EPHA4: variants seen among roughly 807,000 people sequenced by gnomAD.
EPHA4 encodes the protein EPH receptor A4.
A neutral mutation model predicts 108.3 loss-of-function variants in EPHA4; 19 were observed. That is an observed-to-expected ratio of 0.18 (90% CI 0.12 to 0.26). The LOEUF is 0.26. Among genes scored for constraint, EPHA4 ranks in the 10% least tolerant of loss-of-function variants. The pLI, the probability that EPHA4 is intolerant of heterozygous loss-of-function variation, is 1.00. For synonymous variants in EPHA4, 449 were observed against 455.5 expected, an observed-to-expected ratio of 0.99 and a Z score of 0.18; for missense variants, 917 against 1,254.0, an observed-to-expected ratio of 0.73 and a Z score of 4.06.
intron 3 of EPHA4, among the ~76,000 whole-genome samples, chr2:221,546,166 A>G (rs1693992301): frequency 6.6e-6 from 1 of 152,192 alleles, no homozygotes; most frequent in Admixed American, 6.5e-5. Flanking sequence ...CCAGGCATTC[A>G]AGCCTATATG....
chr2:221,442,609 T>G (rs1316428475), intron 11 of EPHA4, among the ~76,000 whole-genome samples: 1 of 152,166 alleles, frequency 6.6e-6, no homozygotes, highest in Non-Finnish European at 1.5e-5. Flanking sequence ...AATATTAATT[T>G]CTCTAAAATC....
chr2:221,431,213 A>G (rs1158194429), intron 14 of EPHA4, among the ~76,000 whole-genome samples: 1 of 152,190 alleles, frequency 6.6e-6, no homozygotes, highest in Admixed American at 6.5e-5. Context: ...TTGGGAGTCT[A>G]AAAGTTTTAT....
chr2:221,546,526 A>G (rs1231742089), intron 3 of EPHA4, among the ~76,000 whole-genome samples: 2 of 151,196 alleles, frequency 1.3e-5, no homozygotes, highest in African/African-American at 4.9e-5. Context: ...TATTTTATTA[A>G]TTTAAGCCTC....
chr2:221,420,977 A>C (rs765257464), intron 17 of EPHA4, among the ~76,000 whole-genome samples: 8 of 152,112 alleles, frequency 5.3e-5, no homozygotes, highest in Non-Finnish European at 1.2e-4. Context: ...TTCACAATCC[A>C]CCCATAGTCA....
Position 221,477,626 on chromosome 2 carries a change from C to A in EPHA4, c.1318+4726G>T, listed in dbSNP as rs181651596. 5.3e-5 allele frequency among the ~76,000 whole-genome samples: 8 copies of A among 152,260 alleles called. No individual in the cohort carries two copies. In the East Asian group the frequency reaches 1.5e-3, roughly 29 times the overall value. ...ACTGTTTTCCCCCCGCAACGTAAAT[C>A]CCTTGGCAAGGCAAGGAATTAGAGA... On this transcript the variant is annotated intron_variant, in intron 5 of 17. Coordinates refer to ENST00000281821, the MANE Select transcript of EPHA4 (RefSeq NM_004438.5).
intron 5 of EPHA4, among the ~76,000 whole-genome samples, chr2:221,465,544 T>C (rs920538578): frequency 6.6e-6 from 1 of 152,190 alleles, no homozygotes; most frequent in African/African-American, 2.4e-5. Flanking sequence ...CCCTTCTAGA[T>C]AGAGCTGCCC....
At chr2:221,536,124 A>C (rs933407405) in intron 3 of EPHA4, among the ~76,000 whole-genome samples, 1 of 152,194 alleles carries the variant, frequency 6.6e-6, no homozygotes, top group Non-Finnish European at 1.5e-5. Flanking sequence ...TATCTTTGGC[A>C]AAAGAGCACT....
chr2:221,468,248 C>G (rs762880173), intron 5 of EPHA4, among the ~76,000 whole-genome samples: 1 of 151,542 alleles, frequency 6.6e-6, no homozygotes, highest in African/African-American at 2.4e-5. Flanking sequence ...AAAAAAGGCC[C>G]CCCAAAATTA....
At chr2:221,438,919 C>T (rs1221456167) in intron 11 of EPHA4, among the ~76,000 whole-genome samples, 2 of 152,146 alleles carry the variant, frequency 1.3e-5, no homozygotes, top group East Asian at 3.9e-4. Context: ...ATACATTTTC[C>T]ACCCAGTGAT....
chr2:221,435,875 T>C (rs1375367251), intron 13 of EPHA4, among the ~76,000 whole-genome samples: 1 of 151,746 alleles, frequency 6.6e-6, no homozygotes, highest in African/African-American at 2.4e-5. Flanking sequence ...CTTTGTCTCA[T>C]TTAGAATAAG....
At chr2:221,481,524 C>A (rs1691819483) in intron 5 of EPHA4, among the ~76,000 whole-genome samples, 1 of 151,966 alleles carries the variant, frequency 6.6e-6, no homozygotes, top group African/African-American at 2.4e-5. Context: ...TATGGTGGCA[C>A]CCGCCTGTAG....
intron 3 of EPHA4, among the ~76,000 whole-genome samples, chr2:221,519,828 T>C (rs1199756578): frequency 6.6e-6 from 1 of 152,136 alleles, no homozygotes; most frequent in East Asian, 1.9e-4. Context: ...AAATCAGCCT[T>C]TCAAATGCAA....
chr2:221,419,403 T>C lies in EPHA4; in HGVS notation c.*1969A>G, dbSNP rs761530016. On this transcript the variant is annotated 3_prime_UTR_variant, in exon 18 of 18. Transcript: ENST00000281821. ...TTCTGTGATATTGGGAGACAAAGTATTAATCCAGGACACACCATCTCAAAG... is the reference window on the plus strand; with the variant it reads ...TTCTGTGATATTGGGAGACAAAGTACTAATCCAGGACACACCATCTCAAAG... The C allele has an allele frequency of 3.9e-5, 6 of 152,652 alleles. No individual in the cohort carries two copies. Among genetic ancestry groups the C allele is most frequent in the Non-Finnish European group, 7.3e-5 (5 of 68,038 alleles). 9.5% of individuals were successfully genotyped at this position (152,652 alleles called of 1,614,324 possible).
chr2:221,445,278 C>T (rs1297753524), intron 9 of EPHA4, among the ~76,000 whole-genome samples: 3 of 152,044 alleles, frequency 2.0e-5, no homozygotes, highest in African/African-American at 7.2e-5. Flanking sequence ...GGATAGTCAC[C>T]AACCACTGTC....
At chr2:221,435,056 G>A (rs1218813319) in intron 13 of EPHA4, among the ~76,000 whole-genome samples, 1 of 152,096 alleles carries the variant, frequency 6.6e-6, no homozygotes, top group Non-Finnish European at 1.5e-5. Flanking sequence ...TCCACCTGGG[G>A]AAATTAATTC....
At chr2:221,514,301 G>A (rs768385498) in intron 3 of EPHA4, among the ~76,000 whole-genome samples, 38 of 152,138 alleles carry the variant, frequency 2.5e-4, no homozygotes, top group Non-Finnish European at 1.8e-4. Context: ...GGGAACAGAG[G>A]AGAGCAGCAC....
chr2:221,528,354 G>A (rs1484524982), intron 3 of EPHA4, among the ~76,000 whole-genome samples: 1 of 152,112 alleles, frequency 6.6e-6, no homozygotes, highest in Non-Finnish European at 1.5e-5. Context: ...TAAACAGGAA[G>A]TGTATATTAA....
intron 5 of EPHA4, 143 bp downstream of exon 5, chr2:221,482,209 C>G (rs1691840981): frequency 1.1e-6 from 1 of 878,488 alleles, no homozygotes; most frequent in Non-Finnish European, 1.7e-6. Flanking sequence ...CCGTGCCCAG[C>G]CCCTAAGTAT....
chr2:221,501,016 C>T lies in EPHA4; in HGVS notation c.979+1G>A, dbSNP rs1422294283. 4 of 1,596,370 alleles carry T rather than the reference C, an allele frequency of 2.5e-6. No individual in the cohort carries two copies. Among genetic ancestry groups the T allele is most frequent in the African/African-American group, 2.7e-5 (2 of 74,274 alleles). On this transcript the variant is annotated splice_donor_variant, in intron 4 of 17. Transcript: ENST00000281821. LOFTEE classifies it high-confidence loss of function. ...GAATGAGAGACAAGCATACAACTTA[C>T]GGGTGCAGGGCATAGAGGCAGCATC...
Sources: gnomAD v4.1 joint callset for allele counts (sites outside exome capture counted in the v4.1 genomes callset) on GRCh38, gnomAD v4.1.1 for gene constraint, MANE v1.5 for transcripts, NCBI Gene and HGNC (gene_info 2026-07-23, HGNC 2026-07-21) for gene names.